Variants in OVCA2 observed in about 807,000 individuals in gnomAD.
OVCA2 encodes OVCA2 serine hydrolase domain containing, also known as esterase OVCA2.
A neutral mutation model predicts 10.1 loss-of-function variants in OVCA2; 14 were observed. The ratio of observed to expected loss-of-function variants is 1.39; its 90% CI spans 0.92 to 2.17. The LOEUF (loss-of-function observed/expected upper bound fraction) is 2.17, where lower values mean the gene tolerates loss of function less well. Ranked by LOEUF, OVCA2 falls within the 30% of genes most tolerant of loss-of-function variation. OVCA2 has a pLI of 0.00. For synonymous variants in OVCA2, 201 were observed against 134.1 expected (o/e 1.50, Z -3.45); for missense variants, 376 against 300.5 (o/e 1.25, Z -1.86).
chr17:2,042,816 C>T lies in OVCA2; in HGVS notation c.396C>T (p.Gly132=). The T allele has an allele frequency of 1.2e-6, 2 of 1,614,032 alleles. No individual in the cohort carries two copies. The highest frequency in any genetic ancestry group is 1.7e-6 in the Non-Finnish European group (2 of 1,180,022). The change falls in exon 2 of 2, where the codon GGC becomes GGT. Residue 132 remains glycine, a synonymous_variant. Transcript: ENST00000572195. ...AALAALVCAL[G]QAGDPRFPLP... ...TAGCAGCCCTTGTGTGTGCCCTGGG[C>T]CAGGCAGGCGATCCCCGCTTCCCCT...
At position 2,042,833 on chromosome 17, in the gene OVCA2, G is replaced by A. The variant is rs1400546290; in HGVS notation, c.413G>A (p.Arg138His). ...VCALGQAGDP[R>H]FPLPRFILLV... ...GCCCTGGGCCAGGCAGGCGATCCCC[G>A]CTTCCCCTTGCCACGGTTTATCCTC... Residue 138 changes from arginine to histidine, a missense_variant, in exon 2 of 2, where the codon CGC becomes CAC. Coordinates refer to ENST00000572195, the MANE Select transcript of OVCA2 (RefSeq NM_080822.3). 1 of 1,614,106 alleles carries A rather than the reference G, an allele frequency of 6.2e-7. No individual in the cohort carries two copies. The highest frequency in any genetic ancestry group is 2.2e-5 in the East Asian group (1 of 44,876).
Position 2,042,765 on chromosome 17 carries a change from T to C in OVCA2, c.345T>C (p.Leu115=). The change falls in exon 2 of 2, where the codon CTT becomes CTC. Residue 115 remains leucine, a synonymous_variant. Transcript: ENST00000572195. ...ALNRLGPFDG[L]LGFSQGAALA... ...ACAGGCTGGGGCCTTTTGACGGCCTTCTTGGTTTCAGCCAAGGGGCTGCGC... is the reference window on the plus strand; with the variant it reads ...ACAGGCTGGGGCCTTTTGACGGCCTCCTTGGTTTCAGCCAAGGGGCTGCGC... 1.2e-6 allele frequency: 2 copies of C among 1,608,696 alleles called. No individual in the cohort carries two copies. Among genetic ancestry groups the C allele is most frequent in the Non-Finnish European group, 1.7e-6 (2 of 1,177,802 alleles).
At position 2,042,244 on chromosome 17, in the gene OVCA2, C is replaced by G; in HGVS notation, c.184+13C>G. The G allele has an allele frequency of 2.8e-6, 4 of 1,414,400 alleles. No homozygotes were observed. The highest frequency in any genetic ancestry group is 3.7e-6 in the Non-Finnish European group (4 of 1,090,648). 87.6% of individuals were successfully genotyped at this position (1,414,400 alleles called of 1,614,324 possible). On this transcript the variant is annotated intron_variant, in intron 1 of 1. Transcript: ENST00000572195. ...AGATCAGACTTCGGTGAGACAAGCC[C>G]CGCTCCGGAAACGCACTCAGTTTCC...
intron 1 of OVCA2, 67 bp downstream of exon 1, chr17:2,042,298 C>CT: frequency 7.2e-7 from 1 of 1,396,248 alleles, no homozygotes; most frequent in Non-Finnish European, 9.3e-7. Flanking sequence ...CCTCGACACC[C>CT]TTCAGCATCC....
intron 1 of OVCA2, 123 bp from the exon 2 acceptor site, chr17:2,042,482 C>G (rs770616501): frequency 4.3e-5 from 60 of 1,398,292 alleles, no homozygotes; most frequent in Non-Finnish European, 5.2e-5. Flanking sequence ...TCATTTCCCC[C>G]AGACTTTTGC....
At chr17:2,042,488 T>G in intron 1 of OVCA2, 117 bp from the exon 2 acceptor site, 1 of 1,399,360 alleles carries the variant, frequency 7.1e-7, no homozygotes, top group Non-Finnish European at 9.4e-7. Flanking sequence ...CCCCCAGACT[T>G]TTGCCTCGAT....
chr17:2,042,999 A>G lies in OVCA2; in HGVS notation c.579A>G (p.Gln193=), dbSNP rs758493466. The change falls in exon 2 of 2, where the codon CAA becomes CAG. Residue 193 remains glutamine, a synonymous_variant. Coordinates refer to ENST00000572195, the MANE Select transcript of OVCA2 (RefSeq NM_080822.3). The part of the protein sequence containing the change: ...PSQESVQLAS[Q]FPGAITLTHS... Reference sequence around the variant, plus strand: ...AGGAGAGTGTGCAACTGGCCAGCCAATTTCCCGGAGCCATCACCCTCACCC... The same window carrying G: ...AGGAGAGTGTGCAACTGGCCAGCCAGTTTCCCGGAGCCATCACCCTCACCC... 1.7e-5 allele frequency: 27 copies of G among 1,613,868 alleles called. No individual in the cohort carries two copies. In the African/African-American group the frequency reaches 2.7e-4, roughly 16 times the overall value.
chr17:2,043,403 A>T lies in OVCA2; in HGVS notation c.*299A>T, dbSNP rs2067582363. On this transcript the variant is annotated 3_prime_UTR_variant, in exon 2 of 2. Coordinates refer to ENST00000572195, the MANE Select transcript of OVCA2 (RefSeq NM_080822.3). ...AGAGGCTGGCACCATGGTGACTGCC[A>T]CATAATAAAGTGGTGATTTGGATTT... 2.9e-6 allele frequency: 1 copy of T among 348,304 alleles called. No individual in the cohort carries two copies. Among genetic ancestry groups the T allele is most frequent in the South Asian group, 6.4e-5 (1 of 15,556 alleles). 21.6% of individuals were successfully genotyped at this position (348,304 alleles called of 1,614,324 possible).
Position 2,042,915 on chromosome 17 carries a change from G to A in OVCA2, c.495G>A (p.Arg165=). 2 of 1,614,136 alleles carry A rather than the reference G, an allele frequency of 1.2e-6. No individual in the cohort carries two copies. The highest frequency in any genetic ancestry group is 1.7e-6 in the Non-Finnish European group (2 of 1,180,034). ...GIGFKESILQ[R]PLSLPSLHVF... is the part of the protein sequence containing the mutation. ...GGTTCAAGGAATCCATCCTGCAAAG[G>A]CCCTTGTCATTGCCTTCGCTCCATG... is the stretch of plus-strand genomic sequence containing the variant. Residue 165 remains arginine (R), a synonymous_variant, in exon 2 of 2, where the codon AGG becomes AGA. Coordinates refer to ENST00000572195, the MANE Select transcript of OVCA2 (RefSeq NM_080822.3).
Position 2,042,910 on chromosome 17 carries a change from C to G in OVCA2, c.490C>G (p.Gln164Glu). 1.9e-6 allele frequency: 3 copies of G among 1,614,204 alleles called. No homozygotes were observed. The highest frequency in any genetic ancestry group is 1.3e-5 in the African/African-American group (1 of 75,062). The change falls in exon 2 of 2, where the codon CAA (glutamine) becomes GAA (glutamate). Residue 164 changes from glutamine (Q) to glutamate (E), a missense_variant. By Grantham distance (29) the Gln-to-Glu change is conservative (BLOSUM62 2). Coordinates refer to ENST00000572195, the MANE Select transcript of OVCA2 (RefSeq NM_080822.3). ...CATTGGGTTCAAGGAATCCATCCTG[C>G]AAAGGCCCTTGTCATTGCCTTCGCT... ...RGIGFKESIL[Q>E]RPLSLPSLHV...
rs1387642467 is a variant in OVCA2, at chr17:2,043,229, A to G, written c.*125A>G. ...CCTCACCAGAACCAGTTAAGAGACA[A>G]CTATCAATTCTTGAGACCCAAATTA... is the stretch of plus-strand genomic sequence containing the variant. On this transcript the variant is annotated 3_prime_UTR_variant, in exon 2 of 2. Coordinates refer to ENST00000572195, the MANE Select transcript of OVCA2 (RefSeq NM_080822.3). 1 of 1,225,050 alleles carries G rather than the reference A, an allele frequency of 8.2e-7. No homozygotes were observed. Among genetic ancestry groups the G allele is most frequent in the Non-Finnish European group, 1.1e-6 (1 of 884,428 alleles). The allele number at this position is 1,225,050 out of a possible 1,614,324, so 75.9% of individuals were successfully genotyped here.
Position 2,042,912 on chromosome 17 carries a change from A to T in OVCA2, c.492A>T (p.Gln164His). Residue 164 changes from glutamine (Q) to histidine (H), a missense_variant, in exon 2 of 2, where the codon CAA becomes CAT. Transcript: ENST00000572195. ...TTGGGTTCAAGGAATCCATCCTGCA[A>T]AGGCCCTTGTCATTGCCTTCGCTCC... ...RGIGFKESILQRPLSLPSLHV... is the reference protein window; with the variant it reads ...RGIGFKESILHRPLSLPSLHV... 4.3e-6 allele frequency: 7 copies of T among 1,614,164 alleles called. No individual in the cohort carries two copies. The highest frequency in any genetic ancestry group is 5.9e-6 in the Non-Finnish European group (7 of 1,180,040).
Position 2,042,743 on chromosome 17 carries a change from G to C in OVCA2, c.323G>C (p.Arg108Thr), listed in dbSNP as rs764627413. ...GGGATGGTGGCACAGGCACTGAACA[G>C]GCTGGGGCCTTTTGACGGCCTTCTT... ...SLGMVAQALN[R>T]LGPFDGLLGF... The change falls in exon 2 of 2, where the codon AGG (arginine) becomes ACG (threonine). Residue 108 changes from arginine to threonine, a missense_variant. Transcript: ENST00000572195. The C allele has an allele frequency of 8.7e-6, 14 of 1,601,250 alleles. No homozygotes were observed. Among genetic ancestry groups the C allele is most frequent in the Non-Finnish European group, 1.2e-5 (14 of 1,173,962 alleles).
At chr17:2,042,335 C>T (rs2067553329) in intron 1 of OVCA2, 104 bp downstream of exon 1, 28 of 1,367,364 alleles carry the variant, frequency 2.0e-5, no homozygotes, top group Non-Finnish European at 2.7e-5. Flanking sequence ...CCGCATTCCT[C>T]CCACCCAGTC....
At position 2,042,161 on chromosome 17, in the gene OVCA2, G is replaced by C; in HGVS notation, c.114G>C (p.Glu38Asp). The change falls in exon 1 of 2, where the codon GAG becomes GAC. Residue 38 changes from glutamate (E) to aspartate (D), a missense_variant. Physicochemically the swap from Glu to Asp is conservative, Grantham distance 45. Coordinates refer to ENST00000572195, the MANE Select transcript of OVCA2 (RefSeq NM_080822.3). ...GGAAGGCGCTGCGGGGTCGCGCCGA[G>C]CTCGTGTGCCTCAGCGGCCCGCACC... ...ALRKALRGRA[E>D]LVCLSGPHPV... 1 of 1,493,808 alleles carries C rather than the reference G, an allele frequency of 6.7e-7. No individual in the cohort carries two copies. The highest frequency in any genetic ancestry group is 8.8e-7 in the Non-Finnish European group (1 of 1,130,992). The allele number at this position is 1,493,808 out of a possible 1,614,324, so 92.5% of individuals were successfully genotyped here. A position where few individuals can be genotyped will look rare whatever the true frequency, so the allele number is the denominator to read the frequency against.
At position 2,043,267 on chromosome 17, in the gene OVCA2, CCTGTA is replaced by C; in HGVS notation, c.*167_*171del. On this transcript the variant is annotated 3_prime_UTR_variant, in exon 2 of 2. Coordinates refer to ENST00000572195, the MANE Select transcript of OVCA2 (RefSeq NM_080822.3). The stretch of plus-strand genomic sequence containing the variant: ...GAGACCCAAATTATAAGGGCCCTGC[CCTGTA>C]CTGAAGAAAAGGGGAGCACAAGGCC... The C allele has an allele frequency of 1.2e-6, 1 of 836,600 alleles. No individual in the cohort carries two copies. The highest frequency in any genetic ancestry group is 1.8e-5 in the South Asian group (1 of 54,994). The allele number at this position is 836,600 out of a possible 1,614,324, so 51.8% of individuals were successfully genotyped here. A position where few individuals can be genotyped will look rare whatever the true frequency, so the allele number is the denominator to read the frequency against.
chr17:2,042,674 C>A lies in OVCA2; in HGVS notation c.254C>A (p.Ala85Glu), dbSNP rs2067564566. Residue 85 changes from alanine (A) to glutamate (E), a missense_variant, in exon 2 of 2, where the codon GCA (alanine) becomes GAA (glutamate). Physicochemically the swap from Ala to Glu is moderately radical, Grantham distance 107 (BLOSUM62 -1). Transcript: ENST00000572195. ...FSEQEADVFS[A>E]LEEPAVCRGL... The stretch of plus-strand genomic sequence containing the variant: ...GAGCAGGAGGCCGACGTTTTCTCCG[C>A]ATTGGAAGAGCCCGCCGTCTGCAGG... The A allele has an allele frequency of 3.9e-6, 6 of 1,526,120 alleles. No homozygotes were observed. In the East Asian group the frequency reaches 1.4e-4, roughly 35 times the overall value. 94.5% of individuals were successfully genotyped at this position (1,526,120 alleles called of 1,614,324 possible). A position where few individuals can be genotyped will look rare whatever the true frequency, so the allele number is the denominator to read the frequency against.
At position 2,043,077 on chromosome 17, in the gene OVCA2, C is replaced by A. The variant is rs898369600; in HGVS notation, c.657C>A (p.Leu219=). ...PAAAPQRQAY[L]KFLDQFAE is the part of the protein sequence containing the mutation. ...CTGCACCCCAGCGTCAGGCCTACCT[C>A]AAGTTCTTGGACCAGTTTGCAGAGT... The change falls in exon 2 of 2, where the codon CTC becomes CTA. Residue 219 remains leucine (L), a synonymous_variant. Transcript: ENST00000572195. The A allele has an allele frequency of 6.2e-7, 1 of 1,613,896 alleles. No homozygotes were observed.
intron 1 of OVCA2, 37 bp from the exon 2 acceptor site, chr17:2,042,568 T>G: frequency 6.7e-7 from 1 of 1,497,648 alleles, no homozygotes; most frequent in Non-Finnish European, 8.9e-7. Context: ...GAGCCTCCCA[T>G]GCCCTAATCC....
Sources: allele counts gnomAD v4.1 joint callset, GRCh38; gene constraint gnomAD v4.1.1; transcripts MANE v1.5; gene names NCBI Gene and HGNC (gene_info 2026-07-23, HGNC 2026-07-21).